TENM4: variants seen among roughly 807,000 people sequenced by gnomAD.
TENM4 encodes the protein teneurin transmembrane protein 4.
TENM4 carries 82 observed loss-of-function variants against 243.3 expected under a neutral mutation model. The observed-to-expected ratio is 0.34, with a 90% CI of 0.28 to 0.40. The LOEUF is 0.40. Ranked by LOEUF, TENM4 falls within the 10% of genes least tolerant of loss-of-function variation. The pLI is 1.00. For synonymous variants in TENM4, 1,412 were observed against 1,456.3 expected, an observed-to-expected ratio of 0.97 and a Z score of 0.69; for missense variants, 3,138 against 3,673.3, an observed-to-expected ratio of 0.85 and a Z score of 3.77.
At chr11:79,250,237 T>G (rs1441203637) in intron 2 of TENM4, among the ~76,000 whole-genome samples, 1 of 152,260 alleles carries the variant, frequency 6.6e-6, no homozygotes, top group Non-Finnish European at 1.5e-5. Context: ...TCTGCCTGCC[T>G]CAGTCTCCCA....
At position 78,814,453 on chromosome 11, in the gene TENM4, C is replaced by G. The variant is rs914112823; in HGVS notation, c.1682-58G>C. ...CAAATTTCCTTACCCAAACAGAGAG[C>G]CCAGGAATCAAGCTTTAGGTTAGCC... On this transcript the variant is annotated intron_variant, in intron 12 of 33. Coordinates refer to ENST00000278550, the MANE Select transcript of TENM4 (RefSeq NM_001098816.3). 2.1e-6 allele frequency: 3 copies of G among 1,455,770 alleles called. No individual in the cohort carries two copies. The African/African-American group carries it at 4.3e-5, about 21-fold the overall frequency. 90.2% of individuals were successfully genotyped at this position (1,455,770 alleles called of 1,614,324 possible). A position where few individuals can be genotyped will look rare whatever the true frequency, so the allele number is the denominator to read the frequency against.
chr11:79,182,094 G>C (rs1315818028), intron 3 of TENM4, among the ~76,000 whole-genome samples: 9 of 152,028 alleles, frequency 5.9e-5, no homozygotes. Flanking sequence ...GACAAAATGA[G>C]TCTATACTTG....
rs57305061 is a variant in TENM4 at position 78,700,318 on chromosome 11, C to T, written c.5087+1208G>A. ...GACTGCGATCCCTGTTCTGCCATGT[C>T]TCACTATCAAACAGTGGGCAAAGGA... On this transcript the variant is annotated intron_variant, in intron 28 of 33. Transcript: ENST00000278550. Among the ~76,000 whole-genome samples, 342 of 152,340 alleles carry T rather than the reference C, an allele frequency of 2.2e-3. 2 individuals carry two copies. Among genetic ancestry groups the T allele is most frequent in the African/African-American group, 7.9e-3 (329 of 41,576 alleles).
chr11:78,796,565 A>C (rs1319620425), intron 15 of TENM4, among the ~76,000 whole-genome samples: 1 of 152,154 alleles, frequency 6.6e-6, no homozygotes, highest in African/African-American at 2.4e-5. Flanking sequence ...CTGTCCCCCA[A>C]GAACCTCCAA....
At position 78,738,513 on chromosome 11, in the gene TENM4, A is replaced by G. The variant is rs1256060768; in HGVS notation, c.2814T>C (p.Gly938=). 1 of 1,613,942 alleles carries G rather than the reference A, an allele frequency of 6.2e-7. No homozygotes were observed. Among genetic ancestry groups the G allele is most frequent in the Non-Finnish European group, 8.5e-7 (1 of 1,179,860 alleles). ...VMTSDGTPLV[G]VNISFVNNPL... ...GGTTATTGACAAAACTGATGTTCAC[A>G]CCAACCAGGGGGGTTCCATCTGATG... The change falls in exon 20 of 34, where the codon GGT becomes GGC. Residue 938 remains glycine, a synonymous_variant. Transcript: ENST00000278550.
At chr11:78,693,006 TAATATAAG>T (rs1565334854) in intron 28 of TENM4, among the ~76,000 whole-genome samples, 1,558 of 152,342 alleles carry the variant, frequency 0.01, 29 homozygotes, top group African/African-American at 0.036. Context: ...TGTCTCCTCC[TAATATAAG>T]CTCCATGAGG....
chr11:79,407,909 C>CTTT lies in TENM4; in HGVS notation c.-321+32597_-321+32599dup, dbSNP rs71457508. On this transcript the variant is annotated intron_variant, in intron 1 of 33. Transcript: ENST00000278550. Reference sequence around the variant, plus strand: ...ATTTGCATTTTTTCTTTTTCTTTTTCTTTTTTTTTTTTTTAAGAGAGTCTT... The same window carrying CTTT: ...ATTTGCATTTTTTCTTTTTCTTTTTCTTTTTTTTTTTTTTTTTAAGAGAGTCTT... Among the ~76,000 whole-genome samples the CTTT allele has an allele frequency of 2.9e-5, 4 of 139,458 alleles. No homozygotes were observed. In the Admixed American group the frequency reaches 2.9e-4, roughly 10 times the overall value. The allele number at this position is 139,458 out of a possible 152,430, so 91.5% of individuals were successfully genotyped here.
rs565621422 is a variant in TENM4 at position 78,802,074 on chromosome 11, G to C, written c.2179+3218C>G. On this transcript the variant is annotated intron_variant, in intron 15 of 33. Transcript: ENST00000278550. ...TCTTCCCCCAAAAAGCCCAGTGCCT[G>C]TTCTGCTGCCCTGTAGCTAACTCCC... Among the ~76,000 whole-genome samples, 3 of 152,344 alleles carry C rather than the reference G, an allele frequency of 2.0e-5. No homozygotes were observed. The South Asian group carries it at 6.2e-4, about 32-fold the overall frequency.
intron 31 of TENM4, 85 bp downstream of exon 31, chr11:78,671,948 C>T (rs558098115): frequency 1.7e-5 from 25 of 1,483,040 alleles, no homozygotes; most frequent in Non-Finnish European, 2.2e-5. Context: ...AGATACAGCC[C>T]ACTGAGGCCA....
At chr11:78,722,531 G>T in intron 24 of TENM4, 137 bp downstream of exon 24, 1 of 1,180,490 alleles carries the variant, frequency 8.5e-7, no homozygotes, top group African/African-American at 1.5e-5. Context: ...TGAGCTGGGA[G>T]GTGAAAAGTC....
chr11:79,393,687 T>TG (rs1858282721), intron 1 of TENM4, among the ~76,000 whole-genome samples: 1 of 152,170 alleles, frequency 6.6e-6, no homozygotes, highest in African/African-American at 2.4e-5. Context: ...ACGATGCATA[T>TG]GGGCACCACT....
chr11:78,874,406 A>G (rs1859212887), intron 9 of TENM4, among the ~76,000 whole-genome samples: 1 of 152,198 alleles, frequency 6.6e-6, no homozygotes, highest in African/African-American at 2.4e-5. Flanking sequence ...AAGAACACCC[A>G]AATGTCCTAA....
chr11:78,856,195 A>T lies in TENM4; in HGVS notation c.1256-17T>A. On this transcript the variant is annotated splice_polypyrimidine_tract_variant and intron_variant, in intron 10 of 33. Coordinates refer to ENST00000278550, the MANE Select transcript of TENM4 (RefSeq NM_001098816.3). Reference sequence around the variant, plus strand: ...TGGGCTTTCCTACCAAGATAGAGGGAAGGGAAGACAAAGACATCTCGGTTA... The same window carrying T: ...TGGGCTTTCCTACCAAGATAGAGGGTAGGGAAGACAAAGACATCTCGGTTA... 2 of 1,548,520 alleles carry T rather than the reference A, an allele frequency of 1.3e-6. No homozygotes were observed. The highest frequency in any genetic ancestry group is 1.7e-6 in the Non-Finnish European group (2 of 1,144,542).
intron 6 of TENM4, among the ~76,000 whole-genome samples, chr11:78,945,499 T>C (rs1476473682): frequency 6.6e-6 from 1 of 152,162 alleles, no homozygotes; most frequent in Non-Finnish European, 1.5e-5. Flanking sequence ...TGAGACATAA[T>C]GATATTGAAA....
chr11:79,411,353 C>T (rs1394433459), intron 1 of TENM4, among the ~76,000 whole-genome samples: 3 of 152,174 alleles, frequency 2.0e-5, no homozygotes, highest in Non-Finnish European at 4.4e-5. Context: ...TAATACAATG[C>T]CCTAGGCACT....
rs544772434 is a variant in TENM4, at chr11:79,353,557, C to T, written c.-320-56014G>A. On this transcript the variant is annotated intron_variant, in intron 1 of 33. Transcript: ENST00000278550. ...CAAACATGCCATCCTAGAAGTGTGA[C>T]GATCTCTAATGTATCATGGTTTACA... is the stretch of plus-strand genomic sequence containing the variant. Among the ~76,000 whole-genome samples, 19 of 152,236 alleles carry T rather than the reference C, an allele frequency of 1.2e-4. No individual in the cohort carries two copies. The South Asian group carries it at 2.5e-3, about 20-fold the overall frequency.
At chr11:78,953,132 A>G (rs1057050042) in intron 6 of TENM4, among the ~76,000 whole-genome samples, 1 of 152,218 alleles carries the variant, frequency 6.6e-6, no homozygotes, top group Non-Finnish European at 1.5e-5. Context: ...ACAGCGTTTC[A>G]TCTGGTACCA....
At chr11:78,794,230 G>A (rs1182365156) in intron 15 of TENM4, among the ~76,000 whole-genome samples, 1 of 152,192 alleles carries the variant, frequency 6.6e-6, no homozygotes, top group Admixed American at 6.5e-5. Flanking sequence ...GCAAGGGGAT[G>A]CTCAGCTGAG....
intron 6 of TENM4, among the ~76,000 whole-genome samples, chr11:79,002,230 C>A (rs1440593779): frequency 2.6e-5 from 4 of 152,244 alleles, no homozygotes; most frequent in Non-Finnish European, 4.4e-5. Context: ...TGCCTGCCAG[C>A]ACCTCACTCC....
Sources: gnomAD v4.1 joint callset for allele counts (sites outside exome capture counted in the v4.1 genomes callset) on GRCh38, gnomAD v4.1.1 for gene constraint, MANE v1.5 for transcripts, NCBI Gene and HGNC (gene_info 2026-07-23, HGNC 2026-07-21) for gene names.